FOXO1: variants seen among roughly 807,000 people sequenced by gnomAD.
The protein encoded by FOXO1 is forkhead box protein O1.
In FOXO1, 6 loss-of-function variants were observed where a neutral mutation model predicts 44.1. The ratio of observed to expected loss-of-function variants is 0.14; its 90% confidence interval spans 0.07 to 0.27. The LOEUF is 0.27. Among genes scored for constraint, FOXO1 ranks in the 10% least tolerant of loss-of-function variants. FOXO1 has a pLI of 1.00. For missense variants in FOXO1, 737 were observed against 888.8 expected (o/e 0.83, Z 2.17); for synonymous variants, 380 against 362.7 (o/e 1.05, Z -0.54).
chr13:40,644,090 A>G (rs115011163), intron 1 of FOXO1, among the ~76,000 whole-genome samples: 132 of 152,310 alleles, frequency 8.7e-4, no homozygotes, highest in African/African-American at 3.0e-3. Flanking sequence ...CGTGACCCCA[A>G]CGTGAGTTTT....
chr13:40,666,041 G>A lies in FOXO1; in HGVS notation c.172C>T (p.Leu58=). 7 of 1,299,564 alleles carry A rather than the reference G, an allele frequency of 5.4e-6. No individual in the cohort carries two copies. The highest frequency in any genetic ancestry group is 5.8e-6 in the Non-Finnish European group (6 of 1,026,974). The allele number at this position is 1,299,564 out of a possible 1,614,324, so 80.5% of individuals were successfully genotyped here. A position where few individuals can be genotyped will look rare whatever the true frequency, so the allele number is the denominator to read the frequency against. Residue 58 remains leucine (L), a synonymous_variant, in exon 1 of 3, where the codon CTG becomes TTG. Coordinates refer to ENST00000379561, the MANE Select transcript of FOXO1 (RefSeq NM_002015.4). ...ACAGCGGCAGCCGAGGCCGAGGGCA[G>A]GCCCGCCGCGGCGTCGGGGTTGGCA... ...AAANPDAAAG[L]PSASAAAVSA... is the part of the protein sequence containing the mutation.
rs189499184 is a variant in FOXO1, at chr13:40,562,404, C to T, written c.631-1544G>A. 1.3e-4 allele frequency among the ~76,000 whole-genome samples: 20 copies of T among 152,288 alleles called. 1 individual carries two copies. The highest frequency in any genetic ancestry group is 1.3e-3 in the Admixed American group (20 of 15,300). On this transcript the variant is annotated intron_variant, in intron 1 of 2. Transcript: ENST00000379561. ...TTTGAGTACTTCCTGGGTGGCTCTGCTACTTACTTACCTAGGTGACCTTGG... is the reference window on the plus strand; with the variant it reads ...TTTGAGTACTTCCTGGGTGGCTCTGTTACTTACTTACCTAGGTGACCTTGG...
chr13:40,637,315 G>A lies in FOXO1; in HGVS notation c.630+28268C>T, dbSNP rs143905908. On this transcript the variant is annotated intron_variant, in intron 1 of 2. Coordinates refer to ENST00000379561, the MANE Select transcript of FOXO1 (RefSeq NM_002015.4). The stretch of plus-strand genomic sequence containing the variant: ...AAAAATTAGCCGGGCATGGTGACAC[G>A]TGCCTGTAGTCCCAGCTACTCAGGA... Among the ~76,000 whole-genome samples the A allele has an allele frequency of 1.6e-3, 239 of 152,004 alleles. 2 individuals carry two copies. Among genetic ancestry groups the A allele is most frequent in the African/African-American group, 4.7e-3 (193 of 41,448 alleles).
intron 1 of FOXO1, among the ~76,000 whole-genome samples, chr13:40,572,702 C>T (rs1300646878): frequency 4.6e-5 from 7 of 152,154 alleles, no homozygotes; most frequent in Non-Finnish European, 1.0e-4. Context: ...ACTATTTGGG[C>T]CCAGGTTTAT....
intron 1 of FOXO1, among the ~76,000 whole-genome samples, chr13:40,574,173 TA>T (rs1374883631): frequency 1.3e-5 from 2 of 151,830 alleles, no homozygotes; most frequent in African/African-American, 4.8e-5. Context: ...AAAAAATTTT[TA>T]AAAAGGATAC....
chr13:40,658,186 T>G (rs1162586718), intron 1 of FOXO1, among the ~76,000 whole-genome samples: 1 of 152,246 alleles, frequency 6.6e-6, no homozygotes, highest in African/African-American at 2.4e-5. Flanking sequence ...CAAGATCTGC[T>G]GAATTTCAGG....
At chr13:40,569,015 C>T (rs934515351) in intron 1 of FOXO1, among the ~76,000 whole-genome samples, 5 of 152,194 alleles carry the variant, frequency 3.3e-5, no homozygotes, top group Admixed American at 6.5e-5. Context: ...CAATATTCCT[C>T]CCCTAGCCAA....
chr13:40,581,173 T>C (rs1451969481), intron 1 of FOXO1, among the ~76,000 whole-genome samples: 1 of 152,208 alleles, frequency 6.6e-6, no homozygotes, highest in African/African-American at 2.4e-5. Context: ...CCAGGTTTTG[T>C]GATCCCTTAA....
intron 1 of FOXO1, among the ~76,000 whole-genome samples, chr13:40,651,727 A>G (rs1877695599): frequency 6.6e-6 from 1 of 151,226 alleles, no homozygotes; most frequent in African/African-American, 2.4e-5. Flanking sequence ...TATTTATAAT[A>G]TAAATATAAG....
At chr13:40,634,034 G>T (rs920384611) in intron 1 of FOXO1, among the ~76,000 whole-genome samples, 17 of 152,234 alleles carry the variant, frequency 1.1e-4, no homozygotes, top group Admixed American at 3.3e-4. Context: ...ACTGAATTAT[G>T]GGAAGTTTCA....
At chr13:40,588,750 TA>T (rs1364318364) in intron 1 of FOXO1, among the ~76,000 whole-genome samples, 1 of 152,074 alleles carries the variant, frequency 6.6e-6, no homozygotes, top group Non-Finnish European at 1.5e-5. Flanking sequence ...CTTGGTAGAA[TA>T]AAGGGCCTGT....
chr13:40,631,045 A>G (rs1876945873), intron 1 of FOXO1, among the ~76,000 whole-genome samples: 2 of 152,194 alleles, frequency 1.3e-5, no homozygotes, highest in Admixed American at 1.3e-4. Flanking sequence ...AGCCGTTATG[A>G]CCAATGAGGA....
intron 1 of FOXO1, among the ~76,000 whole-genome samples, chr13:40,625,645 C>G (rs1177581543): frequency 1.4e-5 from 2 of 143,628 alleles, no homozygotes; most frequent in African/African-American, 5.3e-5. Flanking sequence ...TTTTAATAAA[C>G]TTGCTTTCAC....
intron 1 of FOXO1, among the ~76,000 whole-genome samples, chr13:40,651,902 T>A (rs1430459702): frequency 1.3e-5 from 2 of 152,008 alleles, no homozygotes; most frequent in Non-Finnish European, 2.9e-5. Context: ...GAAAATTAAA[T>A]CCTAAAAGGT....
intron 1 of FOXO1, among the ~76,000 whole-genome samples, chr13:40,655,244 G>A (rs1341054538): frequency 1.3e-5 from 2 of 151,826 alleles, no homozygotes; most frequent in Non-Finnish European, 2.9e-5. Context: ...CAGCTATTTG[G>A]GAGGGTGAGG....
At chr13:40,632,257 C>G (rs374308653) in intron 1 of FOXO1, among the ~76,000 whole-genome samples, 1 of 152,084 alleles carries the variant, frequency 6.6e-6, no homozygotes, top group East Asian at 1.9e-4. Flanking sequence ...GGTGACACAG[C>G]GAGACTCCGT....
intron 1 of FOXO1, among the ~76,000 whole-genome samples, chr13:40,644,201 A>ACTAG (rs1877441972): frequency 6.6e-6 from 1 of 152,208 alleles, no homozygotes; most frequent in Non-Finnish European, 1.5e-5. Context: ...TTTTGCAGAC[A>ACTAG]CTAGCACTGG....
intron 1 of FOXO1, among the ~76,000 whole-genome samples, chr13:40,657,033 C>T (rs1170970054): frequency 6.6e-6 from 1 of 152,088 alleles, no homozygotes; most frequent in East Asian, 1.9e-4. Context: ...CGGGATTTCA[C>T]CGTGTTAGCC....
intron 1 of FOXO1, among the ~76,000 whole-genome samples, chr13:40,603,667 C>T (rs1004421599): frequency 4.6e-5 from 7 of 152,210 alleles, no homozygotes; most frequent in African/African-American, 1.7e-4. Context: ...CCAACTGAAC[C>T]CCTTTCATAT....
Sources: gnomAD v4.1 joint callset for allele counts (sites outside exome capture counted in the v4.1 genomes callset) on GRCh38, gnomAD v4.1.1 for gene constraint, MANE v1.5 for transcripts, NCBI Gene and HGNC (gene_info 2026-07-23, HGNC 2026-07-21) for gene names.